POGLUT1: variants seen among roughly 807,000 people sequenced by gnomAD.
POGLUT1 encodes protein O-glucosyltransferase 1.
Under a neutral mutation model 61.3 loss-of-function variants are expected in POGLUT1, and 32 were observed. The ratio of observed to expected loss-of-function variants is 0.52; its 90% CI spans 0.39 to 0.70. POGLUT1 has a LOEUF of 0.70. Ranked by LOEUF, POGLUT1 falls within the 30% of genes least tolerant of loss-of-function variation. The pLI, the probability that POGLUT1 is intolerant of heterozygous loss-of-function variation, is 0.00. For synonymous variants in POGLUT1, 158 were observed against 158.2 expected (o/e 1.00, Z 0.01); for missense variants, 411 against 469.8 (o/e 0.87, Z 1.16).
At chr3:119,473,293 A>G (rs1045739857) in intron 3 of POGLUT1, among the ~76,000 whole-genome samples, 3 of 152,104 alleles carry the variant, frequency 2.0e-5, no homozygotes, top group Non-Finnish European at 4.4e-5. Context: ...ACATTGTTGG[A>G]CTTTGAAAGC....
chr3:119,485,059 T>C (rs180908640), intron 5 of POGLUT1, among the ~76,000 whole-genome samples: 136 of 152,026 alleles, frequency 8.9e-4, no homozygotes, highest in African/African-American at 3.2e-3. Flanking sequence ...TACTAAAAAA[T>C]ACACAAAATT....
At chr3:119,482,550 G>A (rs1242665525) in intron 5 of POGLUT1, among the ~76,000 whole-genome samples, 1 of 152,124 alleles carries the variant, frequency 6.6e-6, no homozygotes, top group Admixed American at 6.6e-5. Context: ...CAGATAGAAT[G>A]TTTTAAAGTC....
intron 6 of POGLUT1, among the ~76,000 whole-genome samples, 156 bp from the exon 7 acceptor site, chr3:119,486,677 T>A (rs1486830420): frequency 6.6e-6 from 1 of 152,230 alleles, no homozygotes; most frequent in Non-Finnish European, 1.5e-5. Flanking sequence ...GATGCTGCAG[T>A]ACCCAGTATA....
intron 8 of POGLUT1, 64 bp downstream of exon 8, chr3:119,489,051 G>T: frequency 1.1e-6 from 1 of 895,336 alleles, no homozygotes; most frequent in Non-Finnish European, 1.8e-6. Context: ...GCTTCACTTT[G>T]GGTGAGAACT....
chr3:119,479,841 G>A, intron 4 of POGLUT1: 1 of 1,254,858 alleles, frequency 8.0e-7, no homozygotes. Flanking sequence ...ATGTGATTCT[G>A]AATTCTGGAA....
At chr3:119,487,200 ATGT>A (rs1287110205) in intron 7 of POGLUT1, among the ~76,000 whole-genome samples, 3 of 152,208 alleles carry the variant, frequency 2.0e-5, no homozygotes, top group African/African-American at 7.2e-5. Flanking sequence ...CAAATAGTAA[ATGT>A]TGTAGGTTTT....
rs1241448651 is a variant in POGLUT1 at position 119,494,178 on chromosome 3, T to C, written c.*1740T>C. On this transcript the variant is annotated 3_prime_UTR_variant, in exon 11 of 11. Coordinates refer to ENST00000295588, the MANE Select transcript of POGLUT1 (RefSeq NM_152305.3). ...TATTATATGACATCACTGTAGTTGCTTGACTGTTTCTCCTACTGTTCTGTA... is the reference window on the plus strand; with the variant it reads ...TATTATATGACATCACTGTAGTTGCCTGACTGTTTCTCCTACTGTTCTGTA... 2 of 152,246 alleles carry C rather than the reference T, an allele frequency of 1.3e-5. No homozygotes were observed. The highest frequency in any genetic ancestry group is 3.8e-4 in the East Asian group (2 of 5,204). 9.4% of individuals were successfully genotyped at this position (152,246 alleles called of 1,614,324 possible).
chr3:119,492,212 AC>A lies in POGLUT1; in HGVS notation c.1023-69del. 3.6e-6 allele frequency: 4 copies of A among 1,108,576 alleles called. No homozygotes were observed. In the Admixed American group the frequency reaches 9.5e-5, roughly 26 times the overall value. The allele number at this position is 1,108,576 out of a possible 1,614,324, so 68.7% of individuals were successfully genotyped here. On this transcript the variant is annotated intron_variant, in intron 10 of 10. Coordinates refer to ENST00000295588, the MANE Select transcript of POGLUT1 (RefSeq NM_152305.3). The stretch of plus-strand genomic sequence containing the variant: ...GAATAATGCTTGGCACAAGGTGAGC[AC>A]TCAAATGCAGACTGCTATTATCATT...
rs140322969 is a variant in POGLUT1, at chr3:119,481,929, G to A, written c.578+1757G>A. On this transcript the variant is annotated intron_variant, in intron 5 of 10. Transcript: ENST00000295588. The stretch of plus-strand genomic sequence containing the variant: ...AAAGGTGTGGTTTTTTTGTTTCTTG[G>A]TTGTTTTTTAAAATTTTTTGTAGAG... Among the ~76,000 whole-genome samples, 191 of 152,116 alleles carry A rather than the reference G, an allele frequency of 1.3e-3. 2 individuals are homozygous for A. The East Asian group carries it at 0.016, about 13-fold the overall frequency.
chr3:119,478,524 A>T (rs1350272522), intron 4 of POGLUT1: 2 of 419,180 alleles, frequency 4.8e-6, no homozygotes, highest in South Asian at 3.4e-5. Flanking sequence ...GTTTCTATGG[A>T]TAATAAAGTA....
Position 119,492,711 on chromosome 3 carries a change from A to G in POGLUT1, c.*273A>G, listed in dbSNP as rs957459563. On this transcript the variant is annotated 3_prime_UTR_variant, in exon 11 of 11. Coordinates refer to ENST00000295588, the MANE Select transcript of POGLUT1 (RefSeq NM_152305.3). ...ACCCAACTCTACCTTTCATTTTCTTAAGACCAATCACAGCTTGTGCCTCAG... is the reference window on the plus strand; with the variant it reads ...ACCCAACTCTACCTTTCATTTTCTTGAGACCAATCACAGCTTGTGCCTCAG... 1 of 195,616 alleles carries G rather than the reference A, an allele frequency of 5.1e-6. No individual in the cohort carries two copies. Among genetic ancestry groups the G allele is most frequent in the Non-Finnish European group, 1.0e-5 (1 of 95,936 alleles). 12.1% of individuals were successfully genotyped at this position (195,616 alleles called of 1,614,324 possible). A position where few individuals can be genotyped will look rare whatever the true frequency, so the allele number is the denominator to read the frequency against.
At chr3:119,485,588 G>A (rs2081655643) in intron 6 of POGLUT1, among the ~76,000 whole-genome samples, 1 of 152,228 alleles carries the variant, frequency 6.6e-6, no homozygotes, top group South Asian at 2.1e-4. Flanking sequence ...ATTCAAAGAA[G>A]TAAAGTTCAT....
chr3:119,490,811 A>T lies in POGLUT1; in HGVS notation c.965+93A>T, dbSNP rs62263444. The stretch of plus-strand genomic sequence containing the variant: ...TGCCTTAAAACCAGTCATGTAAGAC[A>T]TTTAGTCCTACGATTTTTTTCCATT... On this transcript the variant is annotated intron_variant, in intron 9 of 10. Transcript: ENST00000295588. The T allele has an allele frequency of 1.9e-5, 21 of 1,079,132 alleles. No individual in the cohort carries two copies. The Admixed American group carries it at 4.9e-4, about 25-fold the overall frequency. 66.8% of individuals were successfully genotyped at this position (1,079,132 alleles called of 1,614,324 possible).
At chr3:119,481,685 T>A (rs1259896024) in intron 5 of POGLUT1, among the ~76,000 whole-genome samples, 3 of 152,220 alleles carry the variant, frequency 2.0e-5, no homozygotes, top group Non-Finnish European at 4.4e-5. Flanking sequence ...CTAGAAATTG[T>A]CTTTGTCCAG....
Position 119,480,089 on chromosome 3 carries a change from A to C in POGLUT1, c.495A>C (p.Thr165=), listed in dbSNP as rs780449255. 1.9e-6 allele frequency: 3 copies of C among 1,613,166 alleles called. No individual in the cohort carries two copies. In the South Asian group the frequency reaches 3.3e-5, roughly 18 times the overall value. The change falls in exon 5 of 11, where the codon ACA becomes ACC. Residue 165 remains threonine (T), a synonymous_variant. Transcript: ENST00000295588. The part of the protein sequence containing the change: ...EYHDIMYPAW[T]FWEGGPAVWP... ...ATGATATCATGTATCCTGCTTGGAC[A>C]TTTTGGGAAGGGGGACCTGCTGTTT...
rs149506932 is a variant in POGLUT1 at position 119,471,426 on chromosome 3, G to C, written c.294G>C (p.Arg98=). 1.3e-4 allele frequency: 211 copies of C among 1,614,042 alleles called. 2 individuals carry two copies. The highest frequency in any genetic ancestry group is 4.9e-4 in the Middle Eastern group (3 of 6,062). ...HYQITKNRLY[R]ENDCMFPSRC... is the part of the protein sequence containing the mutation. The stretch of plus-strand genomic sequence containing the variant: ...AGATCACTAAGAACAGACTGTACCG[G>C]GAAAATGACTGCATGTTCCCCTCAA... The change falls in exon 3 of 11, where the codon CGG becomes CGC. Residue 98 remains arginine, a synonymous_variant. Coordinates refer to ENST00000295588, the MANE Select transcript of POGLUT1 (RefSeq NM_152305.3).
At chr3:119,484,347 T>G (rs1032412914) in intron 5 of POGLUT1, among the ~76,000 whole-genome samples, 45 of 152,246 alleles carry the variant, frequency 3.0e-4, no homozygotes, top group Non-Finnish European at 7.3e-5. Context: ...TTAACTTCAG[T>G]TCAGCCTTCC....
rs113190018 is a variant in POGLUT1, at chr3:119,493,405, G to C, written c.*967G>C. The C allele has an allele frequency of 6.6e-6, 1 of 152,162 alleles. No homozygotes were observed. Among genetic ancestry groups the C allele is most frequent in the Admixed American group, 6.5e-5 (1 of 15,276 alleles). The allele number at this position is 152,162 out of a possible 1,614,324, so 9.4% of individuals were successfully genotyped here. ...TTTTAGTGCAAATCCATGATGGAGT[G>C]CCTCCCTTTTCCTTTTTTCACTTTT... On this transcript the variant is annotated 3_prime_UTR_variant, in exon 11 of 11. Coordinates refer to ENST00000295588, the MANE Select transcript of POGLUT1 (RefSeq NM_152305.3).
chr3:119,494,112 C>T lies in POGLUT1; in HGVS notation c.*1674C>T, dbSNP rs1461982677. 2.6e-5 allele frequency: 4 copies of T among 152,198 alleles called. No homozygotes were observed. In the East Asian group the frequency reaches 5.8e-4, roughly 22 times the overall value. The allele number at this position is 152,198 out of a possible 1,614,324, so 9.4% of individuals were successfully genotyped here. ...TTTCTGACTCCTTTCATTCATTCCT[C>T]CAGGCAGTAAGGGGCTACCATAGTA... On this transcript the variant is annotated 3_prime_UTR_variant, in exon 11 of 11. Transcript: ENST00000295588.
Sources: allele counts gnomAD v4.1 joint callset (sites outside exome capture counted in the v4.1 genomes callset), GRCh38; gene constraint gnomAD v4.1.1; transcripts MANE v1.5; gene names NCBI Gene and HGNC (gene_info 2026-07-23, HGNC 2026-07-21).